The following CPN1 variants were observed in gnomAD, a reference collection of about 807,000 sequenced individuals.
The protein encoded by CPN1 is carboxypeptidase N subunit 1, also known as carboxypeptidase N catalytic chain.
CPN1 carries 37 observed loss-of-function variants against 46.4 expected under a neutral mutation model. That is an observed-to-expected ratio of 0.80 (90% CI 0.61 to 1.05). The LOEUF is 1.05. Ranked by LOEUF, CPN1 falls within the 50% of genes least tolerant of loss-of-function variation. The pLI, the probability that CPN1 is intolerant of heterozygous loss-of-function variation, is 0.00. For synonymous variants in CPN1, 224 were observed against 235.4 expected (o/e 0.95, Z 0.44); for missense variants, 563 against 602.6 (o/e 0.93, Z 0.69).
intron 4 of CPN1, among the ~76,000 whole-genome samples, chr10:100,064,533 A>G (rs12767674): frequency 0.31 from 46,697 of 150,702 alleles, 7,941 homozygotes; most frequent in Non-Finnish European, 0.4. Context: ...GGCACCCACC[A>G]CCGTGCCTGG....
At chr10:100,045,699 A>G (rs2041303794) in intron 8 of CPN1, among the ~76,000 whole-genome samples, 1 of 152,222 alleles carries the variant, frequency 6.6e-6, no homozygotes, top group Non-Finnish European at 1.5e-5. Flanking sequence ...TATCTTCTCT[A>G]AGCCACAAAT....
In CPN1 at chr10:100,068,014, T is replaced by C. The variant is rs576338147; in HGVS notation, c.576+1700A>G. Reference sequence around the variant, plus strand: ...TAAAAATACAAAAATTGGCCAGGGGTGGTGGCACGTGCCTGTAATCCCAGC... The same window carrying C: ...TAAAAATACAAAAATTGGCCAGGGGCGGTGGCACGTGCCTGTAATCCCAGC... On this transcript the variant is annotated intron_variant, in intron 3 of 8. Transcript: ENST00000370418. 2.5e-4 allele frequency among the ~76,000 whole-genome samples: 38 copies of C among 151,128 alleles called. 3 individuals are homozygous for C. The highest frequency in any genetic ancestry group is 8.7e-4 in the African/African-American group (36 of 41,176).
chr10:100,043,526 G>A (rs1793120189), intron 8 of CPN1, among the ~76,000 whole-genome samples: 1 of 152,168 alleles, frequency 6.6e-6, no homozygotes. Flanking sequence ...TGCTGCCTGG[G>A]TGACTCACAG....
rs201305110 is a variant in CPN1, at chr10:100,048,810, C to G, written c.1178G>C (p.Gly393Ala). ...CACAGTTACTGTCTCTGGGTCATACCCAGGTGCTGTGGCACTAACAGTGTA... is the reference window on the plus strand; with the variant it reads ...CACAGTTACTGTCTCTGGGTCATACGCAGGTGCTGTGGCACTAACAGTGTA... ...GIYTVSATAP[G>A]YDPETVTVTV... Residue 393 changes from glycine (G) to alanine (A), a missense_variant, in exon 8 of 9, where the codon GGG becomes GCG. Gly to Ala is a moderately conservative substitution (Grantham distance 60). Coordinates refer to ENST00000370418, the MANE Select transcript of CPN1 (RefSeq NM_001308.3). 18 of 1,613,752 alleles carry G rather than the reference C, an allele frequency of 1.1e-5. No homozygotes were observed. In the South Asian group the frequency reaches 1.8e-4, roughly 16 times the overall value.
chr10:100,057,362 G>A (rs1021429622), intron 5 of CPN1, among the ~76,000 whole-genome samples: 4 of 152,256 alleles, frequency 2.6e-5, no homozygotes, highest in Admixed American at 6.5e-5. Flanking sequence ...ACATAGTGAC[G>A]TTTCAATAGA....
chr10:100,080,356 C>G (rs1054478494), intron 1 of CPN1, among the ~76,000 whole-genome samples: 4 of 151,950 alleles, frequency 2.6e-5, no homozygotes, highest in Non-Finnish European at 5.9e-5. Context: ...CACTTATAGA[C>G]ATGGATGCTA....
intron 6 of CPN1, 59 bp downstream of exon 6, chr10:100,056,954 C>T (rs1589473360): frequency 6.2e-7 from 1 of 1,611,244 alleles, no homozygotes; most frequent in South Asian, 1.1e-5. Context: ...AACACCTTGC[C>T]TGCCATTGAG....
chr10:100,078,377 C>T (rs961227395), intron 1 of CPN1, among the ~76,000 whole-genome samples: 3 of 152,212 alleles, frequency 2.0e-5, no homozygotes, highest in Admixed American at 6.5e-5. Flanking sequence ...AACCACTTCT[C>T]ATAACAATCA....
chr10:100,060,502 A>G (rs1290249494), intron 5 of CPN1, among the ~76,000 whole-genome samples: 2 of 152,118 alleles, frequency 1.3e-5, no homozygotes, highest in African/African-American at 4.8e-5. Flanking sequence ...CAGAGTTGCA[A>G]TGAGCCAAGA....
intron 7 of CPN1, among the ~76,000 whole-genome samples, chr10:100,049,979 G>A (rs879942873): frequency 1.3e-5 from 2 of 152,192 alleles, no homozygotes; most frequent in Non-Finnish European, 2.9e-5. Flanking sequence ...CCACTGTGAA[G>A]AAATGATGTC....
chr10:100,065,094 G>T, intron 4 of CPN1, 94 bp downstream of exon 4: 3 of 1,406,534 alleles, frequency 2.1e-6, no homozygotes, highest in South Asian at 2.8e-5. Context: ...TATTTTCTGT[G>T]GCCTCGCACT....
chr10:100,075,970 T>C lies in CPN1; in HGVS notation c.361A>G (p.Thr121Ala), dbSNP rs1233605120. ...ATGGATGGCAGGATGTGAATGCGCG[T>C]GTCCTGGATGAGCTGGACGATGCGC... ...NQRIVQLIQD[T>A]RIHILPSMNP... is the part of the protein sequence containing the mutation. Residue 121 changes from threonine (T) to alanine (A), a missense_variant, in exon 2 of 9, where the codon ACG becomes GCG. By Grantham distance (58) the Thr-to-Ala change is moderately conservative (BLOSUM62 0). Coordinates refer to ENST00000370418, the MANE Select transcript of CPN1 (RefSeq NM_001308.3). The C allele has an allele frequency of 6.2e-7, 1 of 1,614,038 alleles. No homozygotes were observed. The highest frequency in any genetic ancestry group is 8.5e-7 in the Non-Finnish European group (1 of 1,180,044).
intron 8 of CPN1, among the ~76,000 whole-genome samples, chr10:100,045,015 T>A (rs2041300220): frequency 6.6e-6 from 1 of 152,198 alleles, no homozygotes; most frequent in Non-Finnish European, 1.5e-5. Context: ...CTGGGCAATA[T>A]TTTTTTCCTT....
chr10:100,065,808 G>A (rs1384227965), intron 3 of CPN1, among the ~76,000 whole-genome samples: 1 of 152,008 alleles, frequency 6.6e-6, no homozygotes, highest in Non-Finnish European at 1.5e-5. Context: ...CACCCCTCTG[G>A]GGTGGGATGT....
intron 6 of CPN1, among the ~76,000 whole-genome samples, chr10:100,054,699 G>C (rs1201407987): frequency 2.0e-5 from 3 of 152,052 alleles, no homozygotes; most frequent in Non-Finnish European, 4.4e-5. Flanking sequence ...AACTCACTTT[G>C]AGCAAAAGCT....
intron 5 of CPN1, among the ~76,000 whole-genome samples, chr10:100,057,709 A>C (rs72840173): frequency 2.3e-3 from 355 of 152,186 alleles, no homozygotes; most frequent in Admixed American, 7.1e-3. Flanking sequence ...TATTTTAATA[A>C]ATTTTGGTGA....
At chr10:100,065,402 GC>G (rs761051877) in intron 3 of CPN1, 32 bp from the exon 4 acceptor site, 2 of 1,613,002 alleles carry the variant, frequency 1.2e-6, no homozygotes, top group Non-Finnish European at 1.7e-6. Flanking sequence ...GCGGTGAAGG[GC>G]CAACTGGGGC....
At chr10:100,056,080 A>G (rs1244520150) in intron 6 of CPN1, among the ~76,000 whole-genome samples, 1 of 152,236 alleles carries the variant, frequency 6.6e-6, no homozygotes, top group African/African-American at 2.4e-5. Flanking sequence ...ACTGTTTTTC[A>G]TAATGATTGT....
intron 1 of CPN1, among the ~76,000 whole-genome samples, chr10:100,078,456 A>G (rs944312467): frequency 6.6e-6 from 1 of 152,196 alleles, no homozygotes; most frequent in Non-Finnish European, 1.5e-5. Context: ...AGGTTATTGC[A>G]ATAAATCTCC....
Sources: allele counts gnomAD v4.1 joint callset (sites outside exome capture counted in the v4.1 genomes callset), GRCh38; gene constraint gnomAD v4.1.1; transcripts MANE v1.5; gene names NCBI Gene and HGNC (gene_info 2026-07-23, HGNC 2026-07-21).